GBP7: variants seen among roughly 807,000 people sequenced by gnomAD.
GBP7 encodes the protein guanylate-binding protein 7.
A neutral mutation model predicts 61.3 loss-of-function variants in GBP7; 43 were observed. That is an observed-to-expected ratio of 0.70 (90% CI 0.55 to 0.91). The LOEUF is 0.91. GBP7 is among the 40% of genes least tolerant of loss of function. GBP7 has a pLI of 0.00. For missense variants in GBP7, 717 were observed against 740.5 expected, an observed-to-expected ratio of 0.97 and a Z score of 0.37; for synonymous variants, 267 against 271.0, an observed-to-expected ratio of 0.99 and a Z score of 0.14.
intron 3 of GBP7, among the ~76,000 whole-genome samples, chr1:89,155,381 C>T (rs1682295068): frequency 6.6e-6 from 1 of 152,208 alleles, no homozygotes; most frequent in South Asian, 2.1e-4. Context: ...AAGAAGGCTT[C>T]AGACAATCAG....
chr1:89,168,202 C>CT (rs888380513), intron 2 of GBP7, among the ~76,000 whole-genome samples: 5 of 152,188 alleles, frequency 3.3e-5, no homozygotes, highest in African/African-American at 1.2e-4. Context: ...TTTCCTCTTA[C>CT]TTTTTCGCTT....
Position 89,150,520 on chromosome 1 carries a change from G to T in GBP7, c.681C>A (p.Phe227Leu). The change falls in exon 6 of 11, where the codon TTC becomes TTA. Residue 227 changes from phenylalanine (F) to leucine (L), a missense_variant. By Grantham distance (22) the Phe-to-Leu change is conservative (BLOSUM62 0). Around this residue, in one of 3 missense-constraint regions of GBP7, gnomAD observed 387 missense variants for 385.2 expected, o/e 1.00. Coordinates refer to ENST00000294671, the MANE Select transcript of GBP7 (RefSeq NM_207398.3). ...AGACAAAGCACTTCTGTTTTGGAAA[G>T]AAATGCCTGATCCACTCCCTGGGCT... ...SNKPREWIRH[F>L]FPKQKCFVFD... The T allele has an allele frequency of 6.2e-7, 1 of 1,614,022 alleles. No individual in the cohort carries two copies.
chr1:89,150,157 T>C (rs1310721035), intron 6 of GBP7, among the ~76,000 whole-genome samples, 173 bp downstream of exon 6: 1 of 152,228 alleles, frequency 6.6e-6, no homozygotes, highest in African/African-American at 2.4e-5. Context: ...CTGTTTTGTG[T>C]AAATTCACAA....
rs574353473 is a variant in GBP7 at position 89,152,155 on chromosome 1, G to A, written c.625+113C>T. ...ACTTATCAATCACCAACCACCATGA[G>A]CAAGGGCCTCAATCCAGTCCAATAT... On this transcript the variant is annotated intron_variant, in intron 5 of 10. Transcript: ENST00000294671. 17 of 853,360 alleles carry A rather than the reference G, an allele frequency of 2.0e-5. No homozygotes were observed. In the East Asian group the frequency reaches 4.0e-4, roughly 20 times the overall value. 52.9% of individuals were successfully genotyped at this position (853,360 alleles called of 1,614,324 possible).
At chr1:89,175,102 T>A (rs1453820627) in intron 1 of GBP7, among the ~76,000 whole-genome samples, 1 of 152,214 alleles carries the variant, frequency 6.6e-6, no homozygotes, top group African/African-American at 2.4e-5. Context: ...ACTTATGTGA[T>A]CATGATACAA....
intron 1 of GBP7, among the ~76,000 whole-genome samples, chr1:89,175,182 A>C (rs1040028320): frequency 2.0e-5 from 3 of 152,192 alleles, no homozygotes; most frequent in Non-Finnish European, 4.4e-5. Context: ...TTTATCCTAT[A>C]ATAAAGAGTG....
chr1:89,152,543 TC>T, intron 4 of GBP7, 79 bp from the exon 5 acceptor site: 1 of 1,513,636 alleles, frequency 6.6e-7, no homozygotes, highest in East Asian at 2.3e-5. Flanking sequence ...TTATACACAT[TC>T]CCTTTTGCAC....
In GBP7 at chr1:89,152,450, AG is replaced by A. The variant is rs754018358; in HGVS notation, c.442del (p.Leu148Ter). ...CGATTTTGCCCTGATTAGCTCTGTT[AG>A]CTCAGTCACGTAGCTGGGATCTCAG... ...ALEQLHYVTE[L>X]TELIRAKSCP... On this transcript the variant is annotated frameshift_variant, in exon 5 of 11. Coordinates refer to ENST00000294671, the MANE Select transcript of GBP7 (RefSeq NM_207398.3). LOFTEE classifies it high-confidence loss of function. 1.9e-6 allele frequency: 3 copies of A among 1,614,092 alleles called. No individual in the cohort carries two copies. The highest frequency in any genetic ancestry group is 2.5e-6 in the Non-Finnish European group (3 of 1,179,952).
At chr1:89,158,826 C>T (rs1682370863) in intron 3 of GBP7, among the ~76,000 whole-genome samples, 2 of 152,128 alleles carry the variant, frequency 1.3e-5, no homozygotes, top group South Asian at 4.1e-4. Flanking sequence ...CATCAAGCTA[C>T]CAATGACTTT....
intron 3 of GBP7, among the ~76,000 whole-genome samples, chr1:89,153,264 T>C (rs1278420414): frequency 6.6e-6 from 1 of 152,230 alleles, no homozygotes; most frequent in Non-Finnish European, 1.5e-5. Context: ...TTCATTTGGT[T>C]GTTCATTCAC....
chr1:89,148,559 A>AG (rs1682118539), intron 7 of GBP7, among the ~76,000 whole-genome samples: 1 of 152,250 alleles, frequency 6.6e-6, no homozygotes, highest in African/African-American at 2.4e-5. Context: ...GAGCTCTTTG[A>AG]AAGCAGAGCT....
At chr1:89,141,873 C>G (rs541531020) in intron 8 of GBP7, among the ~76,000 whole-genome samples, 1 of 152,324 alleles carries the variant, frequency 6.6e-6, no homozygotes, top group South Asian at 2.1e-4. Context: ...TGTCCAGCCT[C>G]TTCTCCCAGG....
At chr1:89,153,585 A>T (rs1682250971) in intron 3 of GBP7, among the ~76,000 whole-genome samples, 1 of 152,248 alleles carries the variant, frequency 6.6e-6, no homozygotes, top group African/African-American at 2.4e-5. Context: ...TACAAAATGC[A>T]GATGCTGCCT....
chr1:89,138,993 C>T (rs1289884808), intron 9 of GBP7, among the ~76,000 whole-genome samples: 1 of 152,060 alleles, frequency 6.6e-6, no homozygotes, highest in African/African-American at 2.4e-5. Context: ...ACAAAGCAAA[C>T]AACCCCATTA....
chr1:89,152,909 A>G, intron 3 of GBP7, 132 bp from the exon 4 acceptor site: 1 of 562,412 alleles, frequency 1.8e-6, no homozygotes, highest in Admixed American at 3.4e-5. Context: ...TAAAGGAAAC[A>G]CAAATGTAAG....
intron 9 of GBP7, 58 bp from the exon 10 acceptor site, chr1:89,133,509 A>G: frequency 1.4e-6 from 2 of 1,434,490 alleles, no homozygotes; most frequent in African/African-American, 1.4e-5. Context: ...GAGAAGAACC[A>G]TCATGGCTAA....
intron 3 of GBP7, among the ~76,000 whole-genome samples, chr1:89,156,942 A>G (rs1276223386): frequency 6.6e-6 from 1 of 152,216 alleles, no homozygotes; most frequent in Non-Finnish European, 1.5e-5. Context: ...AAAATGGACC[A>G]CATAGTTGGA....
intron 8 of GBP7, among the ~76,000 whole-genome samples, chr1:89,144,586 T>C (rs1300290875): frequency 6.6e-6 from 1 of 152,200 alleles, no homozygotes; most frequent in African/African-American, 2.4e-5. Context: ...ATTTCTAATT[T>C]TGTTTTACAA....
intron 3 of GBP7, among the ~76,000 whole-genome samples, chr1:89,163,931 A>G (rs1016368706): frequency 1.3e-4 from 20 of 151,446 alleles, no homozygotes; most frequent in Middle Eastern, 6.8e-3. Context: ...GTGCAGTGGC[A>G]TGATCTCGGT....
Sources: gnomAD v4.1 joint callset for allele counts (sites outside exome capture counted in the v4.1 genomes callset) on GRCh38, gnomAD v4.1.1 for gene constraint, gnomAD v4.1.1 regional missense constraint, MANE v1.5 for transcripts, NCBI Gene and HGNC (gene_info 2026-07-23, HGNC 2026-07-21) for gene names.